Variants in MYO18B observed in about 807,000 individuals in gnomAD.
MYO18B encodes myosin XVIIIB.
A neutral mutation model predicts 273.0 loss-of-function variants in MYO18B; 204 were observed. The ratio of observed to expected loss-of-function variants is 0.75; its 90% CI spans 0.67 to 0.84. The LOEUF is 0.84. Ranked by LOEUF, MYO18B falls within the 40% of genes least tolerant of loss-of-function variation. The probability of loss-of-function intolerance (pLI) is 0.00; values close to 1 mark genes in which losing one functional copy is unlikely to be tolerated. For missense variants in MYO18B, 3,212 were observed against 3,287.6 expected (o/e 0.98, Z 0.56); for synonymous variants, 1,330 against 1,305.7 (o/e 1.02, Z -0.40).
chr22:25,949,539 A>C (rs987796129), intron 36 of MYO18B, among the ~76,000 whole-genome samples: 3 of 152,190 alleles, frequency 2.0e-5, no homozygotes, highest in African/African-American at 7.2e-5. Context: ...GCCGGGGTAA[A>C]ATACCTGCCA....
chr22:25,893,961 A>G (rs1051483044), intron 27 of MYO18B, among the ~76,000 whole-genome samples: 1 of 151,876 alleles, frequency 6.6e-6, no homozygotes, highest in East Asian at 1.9e-4. Context: ...CCATTATTCC[A>G]CCTATCCAAC....
At chr22:25,752,861 G>A (rs2085976229) in intron 1 of MYO18B, among the ~76,000 whole-genome samples, 1 of 152,212 alleles carries the variant, frequency 6.6e-6, no homozygotes, top group South Asian at 2.1e-4. Flanking sequence ...CGGGGCCAGT[G>A]CGAGTTCCGG....
Position 26,027,264 on chromosome 22 carries a change from C to T in MYO18B, c.7290C>T (p.Ser2430=), listed in dbSNP as rs1221941145. 1 of 1,614,014 alleles carries T rather than the reference C, an allele frequency of 6.2e-7. No individual in the cohort carries two copies. The highest frequency in any genetic ancestry group is 2.2e-5 in the East Asian group (1 of 44,874). Residue 2430 remains serine, a synonymous_variant, in exon 43 of 44, where the codon AGC becomes AGT. Transcript: ENST00000335473. The surrounding 1 kb of genome is among the most constrained non-coding windows in gnomAD (Gnocchi z 4.1). The stretch of plus-strand genomic sequence containing the variant: ...ACCCATTCAGCTGGAAACTCCCAAG[C>T]CTCGACTACGAACGCAAGACCAAAG... ...GSDPFSWKLP[S]LDYERKTKVD... is the part of the protein sequence containing the mutation.
chr22:26,052,274 T>A, the MYO18B span, among the ~76,000 whole-genome samples: 1 of 152,220 alleles, frequency 6.6e-6, no homozygotes, highest in Admixed American at 6.5e-5. Context: ...CCAACTTGGC[T>A]GCAGGTTGTT....
rs758582063 is a variant in MYO18B, at chr22:25,768,540, C to T, written c.624C>T (p.Ile208=). The T allele has an allele frequency of 6.5e-7, 1 of 1,549,186 alleles. No individual in the cohort carries two copies. The highest frequency in any genetic ancestry group is 1.3e-5 in the South Asian group (1 of 78,794). ...TPCGSQASTE[I]LAPKAEKTRT... ...GTGGCTCCCAGGCCAGCACCGAGAT[C>T]TTGGCCCCGAAAGCTGAGAAGACCC... Residue 208 remains isoleucine (I), a synonymous_variant, in exon 4 of 44, where the codon ATC becomes ATT. Coordinates refer to ENST00000335473, the MANE Select transcript of MYO18B (RefSeq NM_032608.7).
intron 3 of MYO18B, among the ~76,000 whole-genome samples, chr22:25,765,590 C>G (rs2086474979): frequency 6.6e-6 from 1 of 152,202 alleles, no homozygotes; most frequent in Non-Finnish European, 1.5e-5. Flanking sequence ...GGCTAAACCC[C>G]TTCCCCTTTC....
At chr22:25,895,097 C>G in intron 27 of MYO18B, 59 bp from the exon 28 acceptor site, 1 of 1,573,644 alleles carries the variant, frequency 6.4e-7, no homozygotes, top group Non-Finnish European at 8.7e-7. Flanking sequence ...GAGCCACTCA[C>G]ACTCTTGCCT....
the MYO18B span, among the ~76,000 whole-genome samples, chr22:26,046,625 C>T: frequency 6.6e-6 from 1 of 152,222 alleles, no homozygotes; most frequent in Non-Finnish European, 1.5e-5. Context: ...TCATCCCCTA[C>T]TTAGCTCTAC....
At chr22:25,759,140 A>C (rs2086220671) in intron 1 of MYO18B, among the ~76,000 whole-genome samples, 1 of 152,214 alleles carries the variant, frequency 6.6e-6, no homozygotes. Context: ...AACTTAGCTG[A>C]ATGTTATGAC....
At chr22:25,755,257 A>G (rs2086076660) in intron 1 of MYO18B, among the ~76,000 whole-genome samples, 1 of 151,752 alleles carries the variant, frequency 6.6e-6, no homozygotes, top group Non-Finnish European at 1.5e-5. Context: ...CCCAGGCTGG[A>G]GTGCAATGGC....
intron 1 of MYO18B, among the ~76,000 whole-genome samples, chr22:25,743,103 A>G (rs2146509730): frequency 6.6e-6 from 1 of 152,374 alleles, no homozygotes; most frequent in South Asian, 2.1e-4. Flanking sequence ...TGGGGAGCCC[A>G]GTCGGCTCCC....
At chr22:25,743,099 G>A (rs1568956622) in intron 1 of MYO18B, among the ~76,000 whole-genome samples, 1 of 152,236 alleles carries the variant, frequency 6.6e-6, no homozygotes, top group East Asian at 1.9e-4. Flanking sequence ...GGAATGGGGA[G>A]CCCAGTCGGC....
At chr22:25,965,351 G>A (rs906497543) in intron 39 of MYO18B, among the ~76,000 whole-genome samples, 2 of 152,146 alleles carry the variant, frequency 1.3e-5, no homozygotes, top group Non-Finnish European at 1.5e-5. Flanking sequence ...AGTTTCCCTC[G>A]AAGGAAAAAG....
At position 25,879,691 on chromosome 22, in the gene MYO18B, C is replaced by T. The variant is rs976020349; in HGVS notation, c.4314+1643C>T. The stretch of plus-strand genomic sequence containing the variant: ...AGACAAAGTCATATGCTGTGCTAGT[C>T]CATTCTTGCACTGCTCTAAAGAAAT... On this transcript the variant is annotated intron_variant, in intron 25 of 43. Transcript: ENST00000335473. Among the ~76,000 whole-genome samples, 3 of 152,130 alleles carry T rather than the reference C, an allele frequency of 2.0e-5. No homozygotes were observed. The East Asian group carries it at 5.8e-4, about 29-fold the overall frequency.
intron 15 of MYO18B, among the ~76,000 whole-genome samples, 186 bp downstream of exon 15, chr22:25,829,154 C>G (rs973743649): frequency 6.6e-6 from 1 of 152,176 alleles, no homozygotes; most frequent in Non-Finnish European, 1.5e-5. Context: ...AGCCCAGCCT[C>G]CCCCTGCCAC....
chr22:25,930,382 A>G (rs547222288), intron 34 of MYO18B, among the ~76,000 whole-genome samples: 1 of 152,148 alleles, frequency 6.6e-6, no homozygotes, highest in South Asian at 2.1e-4. Flanking sequence ...AAGGTAATTA[A>G]TAAAAATCCC....
intron 34 of MYO18B, among the ~76,000 whole-genome samples, chr22:25,936,702 T>A (rs2146532682): frequency 6.6e-6 from 1 of 152,334 alleles, no homozygotes; most frequent in East Asian, 1.9e-4. Context: ...TTCTGGAGGC[T>A]GGAAGTCTGA....
At chr22:25,757,916 G>A (rs371202734) in intron 1 of MYO18B, among the ~76,000 whole-genome samples, 11 of 152,342 alleles carry the variant, frequency 7.2e-5, no homozygotes, top group East Asian at 3.9e-4. Flanking sequence ...TTCTGCAAAT[G>A]TTTCCCAAAC....
intron 42 of MYO18B, 53 bp from the exon 43 acceptor site, chr22:26,026,392 A>T (rs1342671416): frequency 1.9e-6 from 3 of 1,550,654 alleles, no homozygotes; most frequent in Non-Finnish European, 2.6e-6. Context: ...CCGATTGCAC[A>T]AATTGTATGA....
Sources: gnomAD v4.1 joint callset for allele counts (sites outside exome capture counted in the v4.1 genomes callset) on GRCh38, gnomAD v4.1.1 for gene constraint, Gnocchi (gnomAD v3.1) non-coding constraint, MANE v1.5 for transcripts, NCBI Gene and HGNC (gene_info 2026-07-23, HGNC 2026-07-21) for gene names.